Variants in TENM3 observed in about 807,000 individuals in gnomAD.
The protein encoded by TENM3 is teneurin transmembrane protein 3.
Under a neutral mutation model 255.1 loss-of-function variants are expected in TENM3, and 63 were observed. The ratio of observed to expected loss-of-function variants is 0.25; its 90% CI spans 0.20 to 0.30. The LOEUF is 0.30. Ranked by LOEUF, TENM3 falls within the 10% of genes least tolerant of loss-of-function variation. TENM3 has a pLI of 1.00. For missense variants in TENM3, 2,929 were observed against 3,461.1 expected (o/e 0.85, Z 3.86); for synonymous variants, 1,306 against 1,322.3 (o/e 0.99, Z 0.27).
chr4:181,739,418 T>G, the TENM3 span, among the ~76,000 whole-genome samples: 2 of 152,188 alleles, frequency 1.3e-5, no homozygotes, highest in Non-Finnish European at 2.9e-5. Flanking sequence ...ACTAAAGAAC[T>G]ATACTTGCTT....
the TENM3 span, among the ~76,000 whole-genome samples, chr4:181,940,741 C>A: frequency 1.3e-5 from 2 of 152,184 alleles, no homozygotes; most frequent in African/African-American, 4.8e-5. Context: ...CCCTCAAGGT[C>A]AGTTTAGTGT....
chr4:181,605,545 A>AG, the TENM3 span, among the ~76,000 whole-genome samples: 17 of 27,464 alleles, frequency 6.2e-4, 2 homozygotes, highest in African/African-American at 1.2e-3. Flanking sequence ...AAAGAAAGAA[A>AG]GAAAGAAAGA....
intron 3 of TENM3, among the ~76,000 whole-genome samples, chr4:182,495,393 GT>G (rs1204998324): frequency 6.6e-6 from 1 of 152,096 alleles, no homozygotes; most frequent in Non-Finnish European, 1.5e-5. Flanking sequence ...AGGGAAAATG[GT>G]TTCAGATTCA....
At chr4:181,940,413 T>A in the TENM3 span, among the ~76,000 whole-genome samples, 11 of 152,178 alleles carry the variant, frequency 7.2e-5, no homozygotes, top group African/African-American at 2.7e-4. Flanking sequence ...ATCTATTGAG[T>A]ATTTACTACG....
At chr4:181,849,818 T>C in the TENM3 span, among the ~76,000 whole-genome samples, 4 of 152,092 alleles carry the variant, frequency 2.6e-5, no homozygotes, top group African/African-American at 9.7e-5. Flanking sequence ...ATGGATTGAA[T>C]GAAAGACCAA....
chr4:182,241,518 C>CTTTTTTT (rs982739950), upstream of TENM3, among the ~76,000 whole-genome samples: 4,571 of 113,934 alleles, frequency 0.04, 205 homozygotes, highest in Non-Finnish European at 0.053. Flanking sequence ...TTTTTTCTTT[C>CTTTTTTT]TTTTTTTTTT....
chr4:182,789,360 A>G lies in TENM3; in HGVS notation c.5572A>G (p.Lys1858Glu). The G allele has an allele frequency of 6.2e-7, 1 of 1,613,674 alleles. No homozygotes were observed. Among genetic ancestry groups the G allele is most frequent in the Non-Finnish European group, 8.5e-7 (1 of 1,179,748 alleles). The change falls in exon 25 of 28, where the codon AAA becomes GAA. Residue 1858 changes from lysine (K) to glutamate (E), a missense_variant. Physicochemically the swap from Lys to Glu is moderately conservative, Grantham distance 56. This residue lies in a region of TENM3 where 303 missense variants were observed against 425.2 expected (regional missense o/e 0.71). Coordinates refer to ENST00000511685, the MANE Select transcript of TENM3 (RefSeq NM_001080477.4). The surrounding 1 kb of genome is among the most constrained non-coding windows in gnomAD (Gnocchi z 4.4). ...CGTGTCTCGGGTCTTTGCTGATGGT[A>G]AAACATGGAGTTACACATATTTAGA... ...RIVSRVFADGKTWSYTYLEKS... is the reference protein window; with the variant it reads ...RIVSRVFADGETWSYTYLEKS...
At chr4:181,634,535 G>A in the TENM3 span, among the ~76,000 whole-genome samples, 1 of 151,830 alleles carries the variant, frequency 6.6e-6, no homozygotes, top group East Asian at 1.9e-4. Flanking sequence ...TGTATTGCTA[G>A]TACCATATGC....
chr4:182,254,654 A>G (rs997646983), intron 1 of TENM3, among the ~76,000 whole-genome samples: 1 of 152,196 alleles, frequency 6.6e-6, no homozygotes, highest in African/African-American at 2.4e-5. Flanking sequence ...ATTTAAACCT[A>G]GTAAGCTGGA....
intron 3 of TENM3, among the ~76,000 whole-genome samples, chr4:182,475,582 TCTTAAAAGATTGATA>T (rs1247624201): frequency 2.6e-5 from 4 of 152,182 alleles, no homozygotes; most frequent in Non-Finnish European, 5.9e-5. Context: ...ATTTTGTAGC[TCTTAAAAGATTGATA>T]CTTTGGTAGC....
chr4:182,730,745 T>A (rs878886180), intron 15 of TENM3, 133 bp from the exon 16 acceptor site: 2 of 984,730 alleles, frequency 2.0e-6, no homozygotes, highest in Admixed American at 5.5e-5. Flanking sequence ...TTCCCATAGA[T>A]CTGAAAATAT....
chr4:182,597,113 T>C (rs1332868140), intron 3 of TENM3, among the ~76,000 whole-genome samples: 1 of 152,172 alleles, frequency 6.6e-6, no homozygotes, highest in South Asian at 2.1e-4. Flanking sequence ...ATGCAAAGAC[T>C]TAAAAAGAGC....
intron 3 of TENM3, among the ~76,000 whole-genome samples, chr4:182,590,213 G>A (rs1240882303): frequency 6.6e-6 from 1 of 152,094 alleles, no homozygotes; most frequent in Non-Finnish European, 1.5e-5. Context: ...ATTTCTTATT[G>A]TTCCCTTTGC....
At chr4:182,066,599 A>ATATATATATAT in the TENM3 span, among the ~76,000 whole-genome samples, 27 of 137,116 alleles carry the variant, frequency 2.0e-4, no homozygotes, top group South Asian at 2.7e-3. Context: ...GTAAAAAAAA[A>ATATATATATAT]ATATATATAT....
At chr4:181,484,329 T>C in the TENM3 span, among the ~76,000 whole-genome samples, 1 of 152,158 alleles carries the variant, frequency 6.6e-6, no homozygotes, top group Non-Finnish European at 1.5e-5. Context: ...TCTTGAGCTG[T>C]GACATGCTCA....
chr4:181,883,039 C>T, the TENM3 span, among the ~76,000 whole-genome samples: 1 of 151,336 alleles, frequency 6.6e-6, no homozygotes, highest in Admixed American at 6.6e-5. Flanking sequence ...CAGATTGTCC[C>T]TATTCAAAGT....
the TENM3 span, among the ~76,000 whole-genome samples, chr4:181,851,323 C>T: frequency 6.6e-6 from 1 of 152,166 alleles, no homozygotes. Flanking sequence ...ACAACATAGT[C>T]GATTGTAGCA....
At chr4:181,857,281 T>G in the TENM3 span, among the ~76,000 whole-genome samples, 1 of 151,130 alleles carries the variant, frequency 6.6e-6, no homozygotes, top group Admixed American at 6.6e-5. Context: ...GGGCAGAGGT[T>G]TTGGTTGGGT....
the TENM3 span, among the ~76,000 whole-genome samples, chr4:181,845,030 T>C: frequency 6.6e-6 from 1 of 152,364 alleles, no homozygotes; most frequent in East Asian, 1.9e-4. Flanking sequence ...TTTTATATAA[T>C]TTGTTATTCA....
Sources: gnomAD v4.1 joint callset for allele counts (sites outside exome capture counted in the v4.1 genomes callset) on GRCh38, gnomAD v4.1.1 for gene constraint, gnomAD v4.1.1 regional missense constraint, Gnocchi (gnomAD v3.1) non-coding constraint, MANE v1.5 for transcripts, NCBI Gene and HGNC (gene_info 2026-07-23, HGNC 2026-07-21) for gene names.